The following DOCK5 variants were observed in gnomAD, a reference collection of about 807,000 sequenced individuals.
DOCK5 encodes the protein dedicator of cytokinesis protein 5.
DOCK5 carries 142 observed loss-of-function variants against 251.8 expected under a neutral mutation model. The observed-to-expected ratio is 0.56, with a 90% confidence interval of 0.49 to 0.65. DOCK5 has a LOEUF of 0.65. Ranked by LOEUF, DOCK5 falls within the 30% of genes least tolerant of loss-of-function variation. The pLI is 0.00. For missense variants in DOCK5, 2,111 were observed against 2,312.3 expected (o/e 0.91, Z 1.79); for synonymous variants, 842 against 835.5 (o/e 1.01, Z -0.13).
intron 8 of DOCK5, among the ~76,000 whole-genome samples, chr8:25,299,759 T>G (rs1804712365): frequency 6.6e-6 from 1 of 152,182 alleles, no homozygotes; most frequent in African/African-American, 2.4e-5. Context: ...ATGGGCATTG[T>G]TCAGCCCTAC....
chr8:25,202,379 CT>C (rs1801902063), intron 1 of DOCK5, among the ~76,000 whole-genome samples: 1 of 152,184 alleles, frequency 6.6e-6, no homozygotes, highest in South Asian at 2.1e-4. Flanking sequence ...TCTTCTGATC[CT>C]GTGCTTTTGG....
intron 2 of DOCK5, among the ~76,000 whole-genome samples, chr8:25,266,478 G>A (rs1206544864): frequency 6.6e-6 from 1 of 151,808 alleles, no homozygotes; most frequent in Admixed American, 6.6e-5. Context: ...GCCTCCCAAA[G>A]TGCTGGGATT....
intron 1 of DOCK5, among the ~76,000 whole-genome samples, chr8:25,238,415 A>G (rs1424299716): frequency 6.6e-6 from 1 of 152,238 alleles, no homozygotes; most frequent in Non-Finnish European, 1.5e-5. Flanking sequence ...GAGGTATATT[A>G]TGATATGGAG....
At chr8:25,331,448 AAG>A (rs1260696658) in intron 18 of DOCK5, among the ~76,000 whole-genome samples, 1 of 152,124 alleles carries the variant, frequency 6.6e-6, no homozygotes, top group Non-Finnish European at 1.5e-5. Context: ...TTAAACCTGT[AAG>A]TGGCTTAAAG....
intron 18 of DOCK5, among the ~76,000 whole-genome samples, chr8:25,327,333 A>G (rs543342434): frequency 6.6e-6 from 1 of 152,198 alleles, no homozygotes; most frequent in Non-Finnish European, 1.5e-5. Flanking sequence ...TATTTTTTAA[A>G]CTAAGTATGG....
At chr8:25,229,721 A>G (rs1023694304) in intron 1 of DOCK5, among the ~76,000 whole-genome samples, 1 of 152,206 alleles carries the variant, frequency 6.6e-6, no homozygotes, top group Admixed American at 6.5e-5. Flanking sequence ...ACCCTCTGAT[A>G]TATTCATATT....
At position 25,369,501 on chromosome 8, in the gene DOCK5, A is replaced by G. The variant is rs1300864164; in HGVS notation, c.3439-55A>G. On this transcript the variant is annotated intron_variant, in intron 33 of 51. Coordinates refer to ENST00000276440, the MANE Select transcript of DOCK5 (RefSeq NM_024940.8). ...GTTGGCCAAGTCTAGAAAGTTGGCCATGTCTTCTTCTAAGGATGCAACATT... is the reference window on the plus strand; with the variant it reads ...GTTGGCCAAGTCTAGAAAGTTGGCCGTGTCTTCTTCTAAGGATGCAACATT... 5 of 1,518,568 alleles carry G rather than the reference A, an allele frequency of 3.3e-6. No individual in the cohort carries two copies. The Admixed American group carries it at 7.9e-5, about 24-fold the overall frequency. 94.1% of individuals were successfully genotyped at this position (1,518,568 alleles called of 1,614,324 possible).
chr8:25,278,157 C>T lies in DOCK5; in HGVS notation c.225-412C>T, dbSNP rs547084781. Among the ~76,000 whole-genome samples, 7 of 152,296 alleles carry T rather than the reference C, an allele frequency of 4.6e-5. No individual in the cohort carries two copies. In the South Asian group the frequency reaches 1.2e-3, roughly 27 times the overall value. On this transcript the variant is annotated intron_variant, in intron 4 of 51. Transcript: ENST00000276440. Reference sequence around the variant, plus strand: ...GCCCCAACCAGGTCCTGGGTGGAGTCACAGCCCCAGGACACTCGTGCCACA... The same window carrying T: ...GCCCCAACCAGGTCCTGGGTGGAGTTACAGCCCCAGGACACTCGTGCCACA...
intron 9 of DOCK5, among the ~76,000 whole-genome samples, chr8:25,301,359 G>A (rs1342659593): frequency 1.3e-5 from 2 of 152,102 alleles, no homozygotes; most frequent in African/African-American, 2.4e-5. Flanking sequence ...CAGGGTGGAC[G>A]TTATCATTGA....
At chr8:25,190,554 A>T (rs994218789) in intron 1 of DOCK5, among the ~76,000 whole-genome samples, 3 of 152,154 alleles carry the variant, frequency 2.0e-5, no homozygotes, top group Non-Finnish European at 2.9e-5. Context: ...TGAGTGCTGA[A>T]TGTCAGAAAA....
At chr8:25,366,344 A>G (rs888556706) in intron 30 of DOCK5, among the ~76,000 whole-genome samples, 12 of 152,162 alleles carry the variant, frequency 7.9e-5, no homozygotes, top group Non-Finnish European at 1.5e-4. Context: ...TGCAAAAACT[A>G]GCTAGGCCTG....
At chr8:25,340,789 G>A (rs980944542) in intron 22 of DOCK5, 88 bp from the exon 23 acceptor site, 4 of 1,029,556 alleles carry the variant, frequency 3.9e-6, no homozygotes, top group African/African-American at 1.6e-5. Flanking sequence ...GTGATACGAT[G>A]AAGGAGAAGT....
rs774926459 is a variant in DOCK5 at position 25,275,387 on chromosome 8, G to C, written c.170G>C (p.Gly57Ala). 23 of 1,605,236 alleles carry C rather than the reference G, an allele frequency of 1.4e-5. No individual in the cohort carries two copies. The South Asian group carries it at 2.2e-4, about 16-fold the overall frequency. Residue 57 changes from glycine to alanine, a missense_variant and splice_region_variant, in exon 4 of 52, where the codon GGC becomes GCC. Around this residue, in one of 3 missense-constraint regions of DOCK5, gnomAD observed 335 missense variants for 324.9 expected, o/e 1.03. Coordinates refer to ENST00000276440, the MANE Select transcript of DOCK5 (RefSeq NM_024940.8). ...GYTLQNKSKK[G>A]IFPETYIHLK... Reference sequence around the variant, plus strand: ...TAACCAAAATTCTTTTCTCTGTAGGGCATTTTCCCTGAAACATATATCCAT... The same window carrying C: ...TAACCAAAATTCTTTTCTCTGTAGGCCATTTTCCCTGAAACATATATCCAT...
At chr8:25,293,247 T>A (rs1329421148) in intron 6 of DOCK5, among the ~76,000 whole-genome samples, 1 of 152,196 alleles carries the variant, frequency 6.6e-6, no homozygotes, top group Non-Finnish European at 1.5e-5. Context: ...CTACCTTGCT[T>A]TTCTAGTGTC....
At chr8:25,248,654 T>C (rs1803182319) in intron 2 of DOCK5, among the ~76,000 whole-genome samples, 1 of 152,178 alleles carries the variant, frequency 6.6e-6, no homozygotes, top group South Asian at 2.1e-4. Context: ...TTTTTGATTC[T>C]CCTTTTTCTG....
At position 25,302,347 on chromosome 8, in the gene DOCK5, T is replaced by A; in HGVS notation, c.869T>A (p.Ile290Asn). ...VFTDLSSMDL[I>N]RPRVSLVCQI... ...TAGGACCTTAGCAGCATGGACCTCATCCGGCCCCGCGTCAGCCTTGTGTGC... is the reference window on the plus strand; with the variant it reads ...TAGGACCTTAGCAGCATGGACCTCAACCGGCCCCGCGTCAGCCTTGTGTGC... Residue 290 changes from isoleucine (I) to asparagine (N), a missense_variant, in exon 10 of 52, where the codon ATC (isoleucine) becomes AAC (asparagine). Ile to Asn is a moderately radical substitution (Grantham distance 149). This residue lies in a region of DOCK5 where 59 missense variants were observed against 95.0 expected (regional missense o/e 0.62). Coordinates refer to ENST00000276440, the MANE Select transcript of DOCK5 (RefSeq NM_024940.8). 6.2e-7 allele frequency: 1 copy of A among 1,612,840 alleles called. No homozygotes were observed. Among genetic ancestry groups the A allele is most frequent in the Non-Finnish European group, 8.5e-7 (1 of 1,179,386 alleles).
chr8:25,309,022 A>T (rs1805021227), intron 12 of DOCK5, 97 bp downstream of exon 12: 1 of 1,473,052 alleles, frequency 6.8e-7, no homozygotes, highest in Non-Finnish European at 9.1e-7. Flanking sequence ...TCTTTCTCTG[A>T]TACAAAACAG....
chr8:25,314,872 T>C (rs909178222), intron 13 of DOCK5, among the ~76,000 whole-genome samples: 2 of 151,008 alleles, frequency 1.3e-5, no homozygotes, highest in Middle Eastern at 3.4e-3. Flanking sequence ...CTGTCAGCAT[T>C]ACCTTTGAAA....
chr8:25,298,824 G>T, intron 7 of DOCK5, 120 bp from the exon 8 acceptor site: 2 of 1,105,010 alleles, frequency 1.8e-6, no homozygotes, highest in Non-Finnish European at 2.5e-6. Flanking sequence ...TTACAGGAAT[G>T]AGCCACTGTG....
Sources: allele counts gnomAD v4.1 joint callset (sites outside exome capture counted in the v4.1 genomes callset), GRCh38; gene constraint gnomAD v4.1.1; regional missense constraint gnomAD v4.1.1; transcripts MANE v1.5; gene names NCBI Gene and HGNC (gene_info 2026-07-23, HGNC 2026-07-21).